The following RARB variants were observed in gnomAD, a reference collection of about 807,000 sequenced individuals.
RARB encodes retinoic acid receptor beta, also known as HBV-activated protein.
In RARB, 17 loss-of-function variants were observed where a neutral mutation model predicts 51.9. The observed-to-expected ratio is 0.33, with a 90% CI of 0.22 to 0.49. RARB has a LOEUF of 0.49. Among genes scored for constraint, RARB ranks in the 20% least tolerant of loss-of-function variants. The probability of loss-of-function intolerance (pLI) is 0.99; values close to 1 mark genes in which losing one functional copy is unlikely to be tolerated. For missense variants in RARB, 369 were observed against 550.8 expected, an observed-to-expected ratio of 0.67 and a Z score of 3.30; for synonymous variants, 215 against 195.4, an observed-to-expected ratio of 1.10 and a Z score of -0.84.
intron 2 of RARB, among the ~76,000 whole-genome samples, chr3:25,492,407 T>A (rs1696785875): frequency 6.6e-6 from 1 of 152,232 alleles, no homozygotes. Context: ...TAAAGAACAT[T>A]GTGAACTGAA....
At chr3:25,202,284 C>G (rs932031676) in intron 5 of RARB, among the ~76,000 whole-genome samples, 9 of 151,898 alleles carry the variant, frequency 5.9e-5, no homozygotes, top group African/African-American at 2.2e-4. Flanking sequence ...GGTGATATCC[C>G]CTTTACCATT....
intron 3 of RARB, among the ~76,000 whole-genome samples, chr3:25,551,968 A>T (rs1313090612): frequency 6.6e-6 from 1 of 152,148 alleles, no homozygotes; most frequent in East Asian, 1.9e-4. Flanking sequence ...TTTTTTTTAT[A>T]ACCATGTTTC....
intron 2 of RARB, among the ~76,000 whole-genome samples, chr3:25,000,690 C>G (rs1402546249): frequency 6.6e-6 from 1 of 152,080 alleles, no homozygotes; most frequent in South Asian, 2.1e-4. Flanking sequence ...TGCTTTCTTT[C>G]ATTCATCATC....
intron 4 of RARB, among the ~76,000 whole-genome samples, chr3:25,162,495 A>T (rs149526586): frequency 2.6e-3 from 403 of 152,268 alleles, no homozygotes; most frequent in Admixed American, 4.6e-3. Flanking sequence ...TATATTCACA[A>T]ATTTGTGCAC....
intron 5 of RARB, among the ~76,000 whole-genome samples, chr3:25,207,407 A>G (rs560087403): frequency 1.3e-5 from 2 of 152,348 alleles, no homozygotes; most frequent in African/African-American, 4.8e-5. Flanking sequence ...TGTTTGGGAC[A>G]TGTAGTCACA....
intron 5 of RARB, among the ~76,000 whole-genome samples, chr3:25,421,259 C>T (rs1390489788): frequency 6.6e-6 from 1 of 152,112 alleles, no homozygotes; most frequent in Admixed American, 6.5e-5. Flanking sequence ...CCTCCACCTG[C>T]AGCCTGAAAT....
chr3:25,500,074 C>A (rs183576065), intron 2 of RARB, among the ~76,000 whole-genome samples: 48 of 152,216 alleles, frequency 3.2e-4, no homozygotes, highest in African/African-American at 9.2e-4. Context: ...CATTACTACC[C>A]GGTAACGCTT....
chr3:24,865,704 G>C (rs1307691338), intron 2 of RARB, among the ~76,000 whole-genome samples: 1 of 152,100 alleles, frequency 6.6e-6, no homozygotes, highest in Non-Finnish European at 1.5e-5. Flanking sequence ...TAAAACCAAA[G>C]TGAATACAAA....
At chr3:25,157,327 G>A (rs1559486087) in intron 4 of RARB, among the ~76,000 whole-genome samples, 1 of 148,084 alleles carries the variant, frequency 6.8e-6, no homozygotes. Flanking sequence ...CTTAGTGCGA[G>A]GCACAGTTCT....
At chr3:25,470,780 G>A (rs896052614) in intron 2 of RARB, among the ~76,000 whole-genome samples, 3 of 151,958 alleles carry the variant, frequency 2.0e-5, no homozygotes, top group South Asian at 2.1e-4. Flanking sequence ...GCTGTTGTTC[G>A]CCTTTGTAGC....
At chr3:24,951,501 C>A (rs551961927) in intron 2 of RARB, among the ~76,000 whole-genome samples, 2 of 152,242 alleles carry the variant, frequency 1.3e-5, no homozygotes, top group South Asian at 4.2e-4. Flanking sequence ...ACTAGCTAAA[C>A]GCTTGCTGAG....
At chr3:25,214,443 G>A (rs1246530990) in intron 5 of RARB, among the ~76,000 whole-genome samples, 2 of 152,070 alleles carry the variant, frequency 1.3e-5, no homozygotes, top group African/African-American at 2.4e-5. Context: ...GAGGTAGGTG[G>A]GTTCAGTAGC....
chr3:24,882,852 G>T (rs546848705), intron 2 of RARB, among the ~76,000 whole-genome samples: 3 of 152,318 alleles, frequency 2.0e-5, no homozygotes, highest in Admixed American at 2.0e-4. Flanking sequence ...CCCATGATTG[G>T]TTGATGAAGG....
chr3:25,444,696 T>A (rs1708851388), intron 1 of RARB, among the ~76,000 whole-genome samples: 1 of 152,138 alleles, frequency 6.6e-6, no homozygotes. Context: ...TCAATGTATC[T>A]CCTGTAGGAA....
At chr3:25,096,245 G>A (rs116065926) in intron 3 of RARB, among the ~76,000 whole-genome samples, 2,681 of 152,184 alleles carry the variant, frequency 0.018, 87 homozygotes, top group African/African-American at 0.06. Flanking sequence ...ACAATAGTTT[G>A]TGAAAGAATT....
At chr3:25,129,453 A>C (rs576779709) in intron 3 of RARB, among the ~76,000 whole-genome samples, 1 of 152,228 alleles carries the variant, frequency 6.6e-6, no homozygotes, top group African/African-American at 2.4e-5. Context: ...ATGTAGGTTC[A>C]ATTTGTATTG....
chr3:25,017,606 A>C (rs1697541264), intron 2 of RARB, among the ~76,000 whole-genome samples: 1 of 152,144 alleles, frequency 6.6e-6, no homozygotes, highest in Non-Finnish European at 1.5e-5. Context: ...TATCTATATA[A>C]TAGGAGATAA....
intron 3 of RARB, among the ~76,000 whole-genome samples, chr3:25,087,771 T>A (rs1247930688): frequency 6.6e-6 from 1 of 151,994 alleles, no homozygotes; most frequent in Non-Finnish European, 1.5e-5. Context: ...TGACAAATGT[T>A]AGATCTTAAG....
Position 25,501,222 on chromosome 3 carries a change from C to T in RARB, c.347C>T (p.Thr116Ile), listed in dbSNP as rs1697298116. 2 of 1,608,130 alleles carry T rather than the reference C, an allele frequency of 1.2e-6. No individual in the cohort carries two copies. Among genetic ancestry groups the T allele is most frequent in the Non-Finnish European group, 8.5e-7 (1 of 1,178,202 alleles). Residue 116 changes from threonine to isoleucine, a missense_variant, in exon 3 of 8, where the codon ACT (threonine) becomes ATT (isoleucine). Thr to Ile is a moderately conservative substitution (Grantham distance 89). Transcript: ENST00000330688. ...RRSIQKNMIY[T>I]CHRDKNCVIN... ...AGTATTCAGAAGAATATGATTTACA[C>T]TTGTCACCGAGATAAGAACTGTGTT...
Sources: gnomAD v4.1 joint callset for allele counts (sites outside exome capture counted in the v4.1 genomes callset) on GRCh38, gnomAD v4.1.1 for gene constraint, MANE v1.5 for transcripts, NCBI Gene and HGNC (gene_info 2026-07-23, HGNC 2026-07-21) for gene names.